CALN1: variants seen among roughly 807,000 people sequenced by gnomAD.
CALN1 encodes the protein calcium-binding protein 8.
CALN1 carries 17 observed loss-of-function variants against 30.6 expected under a neutral mutation model. That is an observed-to-expected ratio of 0.56 (90% CI 0.38 to 0.83). The LOEUF (loss-of-function observed/expected upper bound fraction) is 0.83. CALN1 is among the 40% of genes least tolerant of loss of function. CALN1 has a pLI of 0.00. For synonymous variants in CALN1, 156 were observed against 131.4 expected (o/e 1.19, Z -1.28); for missense variants, 291 against 354.9 (o/e 0.82, Z 1.45).
chr7:71,895,504 T>C (rs1793487119), intron 5 of CALN1, among the ~76,000 whole-genome samples: 1 of 152,218 alleles, frequency 6.6e-6, no homozygotes, highest in Non-Finnish European at 1.5e-5. Context: ...TCATTTTGTT[T>C]CTGCTTTTGG....
intron 2 of CALN1, among the ~76,000 whole-genome samples, chr7:72,374,531 C>CA (rs200948574): frequency 0.047 from 2,317 of 48,826 alleles, 36 homozygotes; most frequent in African/African-American, 0.076. Context: ...ACTCTGTCTC[C>CA]AAAAAAAAAA....
chr7:72,487,941 GGAAGGAAGGAAGGAAAGGAA>G, the CALN1 span, among the ~76,000 whole-genome samples: 3 of 70,478 alleles, frequency 4.3e-5, no homozygotes, highest in East Asian at 3.7e-4. Flanking sequence ...AAGGAAGGAA[GGAAGGAAGGAAGGAAAGGAA>G]GGAAGGAAGG....
At chr7:72,279,917 G>A (rs1358053250) in intron 2 of CALN1, among the ~76,000 whole-genome samples, 1 of 152,128 alleles carries the variant, frequency 6.6e-6, no homozygotes, top group Non-Finnish European at 1.5e-5. Flanking sequence ...ACAAGGAGTG[G>A]GTAGAGAACA....
chr7:71,921,938 C>A (rs1274937276), intron 5 of CALN1, among the ~76,000 whole-genome samples: 2 of 152,052 alleles, frequency 1.3e-5, no homozygotes, highest in Non-Finnish European at 2.9e-5. Flanking sequence ...CAGGTAACAA[C>A]CTTTGGTTCC....
intron 5 of CALN1, among the ~76,000 whole-genome samples, chr7:72,009,739 T>C (rs1799963445): frequency 6.6e-6 from 1 of 152,202 alleles, no homozygotes; most frequent in Admixed American, 6.5e-5. Flanking sequence ...CTGATGGTTT[T>C]ATAACGGGTT....
At chr7:72,237,260 A>C (rs1265052498) in intron 3 of CALN1, among the ~76,000 whole-genome samples, 3 of 152,196 alleles carry the variant, frequency 2.0e-5, no homozygotes, top group African/African-American at 7.2e-5. Context: ...CTAGGATTAC[A>C]GGCATGAGCC....
intron 4 of CALN1, among the ~76,000 whole-genome samples, chr7:72,039,250 C>A (rs1801981458): frequency 6.6e-6 from 1 of 152,162 alleles, no homozygotes; most frequent in African/African-American, 2.4e-5. Context: ...AAGGAAAGGA[C>A]CAAGGCAGGG....
intron 3 of CALN1, among the ~76,000 whole-genome samples, chr7:72,216,456 T>C (rs1376454879): frequency 6.6e-6 from 1 of 151,894 alleles, no homozygotes; most frequent in African/African-American, 2.4e-5. Flanking sequence ...ATATCTTTCA[T>C]AGGTCTGGGG....
chr7:72,252,624 A>C (rs1300671577), intron 3 of CALN1, among the ~76,000 whole-genome samples: 11 of 151,262 alleles, frequency 7.3e-5, no homozygotes, highest in South Asian at 2.1e-4. Context: ...AAAAAAAAGA[A>C]AGACAGAGGA....
intron 3 of CALN1, among the ~76,000 whole-genome samples, chr7:72,207,008 G>A (rs370912050): frequency 6.6e-6 from 1 of 152,166 alleles, no homozygotes; most frequent in African/African-American, 2.4e-5. Context: ...CTGTAAAGCT[G>A]TTGAAACAGT....
intron 3 of CALN1, among the ~76,000 whole-genome samples, chr7:72,225,450 G>T (rs557052483): frequency 2.6e-5 from 4 of 152,164 alleles, no homozygotes; most frequent in African/African-American, 9.6e-5. Context: ...AAGTGAGCAG[G>T]GCTTTCCGCC....
chr7:72,139,886 T>A (rs1321044598), intron 3 of CALN1, among the ~76,000 whole-genome samples: 3 of 152,240 alleles, frequency 2.0e-5, no homozygotes. Flanking sequence ...CTTTCAGATT[T>A]ACTGAGTCAG....
intron 4 of CALN1, among the ~76,000 whole-genome samples, chr7:72,025,877 AGAACAGATTGTCCAG>A (rs751117879): frequency 7.2e-4 from 109 of 152,298 alleles, no homozygotes; most frequent in Admixed American, 3.7e-3. Context: ...CCAATAATTC[AGAACAGATTGTCCAG>A]GAACAGATTG....
At chr7:72,446,690 A>G (rs1233819853) in intron 1 of CALN1, among the ~76,000 whole-genome samples, 2 of 152,114 alleles carry the variant, frequency 1.3e-5, no homozygotes, top group Non-Finnish European at 2.9e-5. Context: ...TGCCCTTTTC[A>G]TTATCTCCAA....
At chr7:72,357,633 C>T (rs768346777) in intron 2 of CALN1, among the ~76,000 whole-genome samples, 21 of 151,450 alleles carry the variant, frequency 1.4e-4, no homozygotes, top group Non-Finnish European at 2.6e-4. Flanking sequence ...TCTACAAAAG[C>T]GAGGCCCAGA....
chr7:72,345,488 G>GGAGAGAGGGAGA lies in CALN1; in HGVS notation c.119+57751_119+57762dup, dbSNP rs1297225783. 3.4e-4 allele frequency among the ~76,000 whole-genome samples: 51 copies of GGAGAGAGGGAGA among 147,962 alleles called. No homozygotes were observed. In the South Asian group the frequency reaches 7.3e-3, roughly 21 times the overall value. On this transcript the variant is annotated intron_variant, in intron 2 of 6. Transcript: ENST00000395275. Reference sequence around the variant, plus strand: ...AGAAAGAGAGGGAAGGGAAGGGAAGGGAGAGAGGGAGAGAGGAAGGGAGGG... The same window carrying GGAGAGAGGGAGA: ...AGAAAGAGAGGGAAGGGAAGGGAAGGGAGAGAGGGAGAGAGAGAGGGAGAGAGGAAGGGAGGG...
chr7:71,985,584 C>CTTTTTT (rs962922789), intron 5 of CALN1, among the ~76,000 whole-genome samples: 53 of 96,382 alleles, frequency 5.5e-4, no homozygotes, highest in Admixed American at 9.0e-4. Flanking sequence ...AGGTAGTTTT[C>CTTTTTT]TTTTTTTTTT....
At chr7:71,812,825 CT>C (rs1251985729) in intron 5 of CALN1, among the ~76,000 whole-genome samples, 2 of 151,944 alleles carry the variant, frequency 1.3e-5, no homozygotes, top group African/African-American at 4.8e-5. Context: ...CTCACTGCAA[CT>C]TCAAACATCT....
intron 1 of CALN1, among the ~76,000 whole-genome samples, chr7:72,408,578 T>C (rs986709108): frequency 1.3e-5 from 2 of 152,056 alleles, no homozygotes; most frequent in African/African-American, 4.8e-5. Flanking sequence ...TAATTTTTTG[T>C]ATAAATTCAT....
Sources: gnomAD v4.1 joint callset for allele counts (sites outside exome capture counted in the v4.1 genomes callset) on GRCh38, gnomAD v4.1.1 for gene constraint, MANE v1.5 for transcripts, NCBI Gene and HGNC (gene_info 2026-07-23, HGNC 2026-07-21) for gene names.